The following TRIM71 variants were observed in gnomAD, a reference collection of about 807,000 sequenced individuals.
TRIM71 encodes E3 ubiquitin-protein ligase TRIM71.
Under a neutral mutation model 61.2 loss-of-function variants are expected in TRIM71, and 9 were observed. That is an observed-to-expected ratio of 0.15 (90% CI 0.09 to 0.26). TRIM71 has a LOEUF of 0.26. Ranked by LOEUF, TRIM71 falls within the 10% of genes least tolerant of loss-of-function variation. TRIM71 has a pLI of 1.00. For synonymous variants in TRIM71, 645 were observed against 553.2 expected, an observed-to-expected ratio of 1.17 and a Z score of -2.33; for missense variants, 998 against 1,238.7, an observed-to-expected ratio of 0.81 and a Z score of 2.92.
At chr3:32,821,789 A>T (rs6803218) in intron 1 of TRIM71, among the ~76,000 whole-genome samples, 56,861 of 150,528 alleles carry the variant, frequency 0.38, 13,041 homozygotes, top group East Asian at 0.59. Flanking sequence ...GTCCCGGGAG[A>T]GGCGGGCGCA....
At chr3:32,826,353 A>G (rs1696201217) in intron 1 of TRIM71, among the ~76,000 whole-genome samples, 2 of 152,084 alleles carry the variant, frequency 1.3e-5, no homozygotes. Context: ...CAGGAGAATC[A>G]CTTGAGCGTG....
At chr3:32,829,956 T>G (rs567117295) in intron 1 of TRIM71, among the ~76,000 whole-genome samples, 1 of 141,044 alleles carries the variant, frequency 7.1e-6, no homozygotes, top group Non-Finnish European at 1.5e-5. Context: ...CGAGATGGAG[T>G]CTTGCTCTGT....
At position 32,877,110 on chromosome 3, in the gene TRIM71, T is replaced by C. The variant is rs576821738; in HGVS notation, c.1020+3125T>C. Among the ~76,000 whole-genome samples the C allele has an allele frequency of 2.2e-3, 342 of 152,234 alleles. 1 individual carries two copies. The highest frequency in any genetic ancestry group is 4.0e-3 in the Non-Finnish European group (270 of 68,004). ...AAAGTTTTTGTTTAACCATAACTTG[T>C]GTGTGTTTAGCATCCTTAAGTCTTG... On this transcript the variant is annotated intron_variant, in intron 2 of 3. Transcript: ENST00000383763.
intron 1 of TRIM71, among the ~76,000 whole-genome samples, chr3:32,851,654 T>C (rs1408653188): frequency 6.6e-6 from 1 of 152,038 alleles, no homozygotes; most frequent in Non-Finnish European, 1.5e-5. Context: ...AATTGTTGTA[T>C]TTTTAGTAGA....
intron 2 of TRIM71, among the ~76,000 whole-genome samples, chr3:32,882,252 A>G (rs1375353436): frequency 1.3e-5 from 2 of 151,728 alleles, no homozygotes; most frequent in Non-Finnish European, 2.9e-5. Flanking sequence ...TGACATTAAT[A>G]TTAATAGAAA....
chr3:32,861,517 C>CAGGTG (rs1559545071), intron 1 of TRIM71, among the ~76,000 whole-genome samples: 2 of 146,790 alleles, frequency 1.4e-5, no homozygotes, highest in East Asian at 5.3e-4. Context: ...AGGAACACTC[C>CAGGTG]GGAGTTCAAG....
intron 2 of TRIM71, among the ~76,000 whole-genome samples, chr3:32,878,596 C>T (rs372617457): frequency 6.6e-6 from 1 of 151,998 alleles, no homozygotes; most frequent in Non-Finnish European, 1.5e-5. Flanking sequence ...GCCTGGGCAA[C>T]AAGAGCGAAA....
Position 32,896,420 on chromosome 3 carries a change from A to T in TRIM71, c.*4609A>T, listed in dbSNP as rs144302293. On this transcript the variant is annotated 3_prime_UTR_variant, in exon 4 of 4. Coordinates refer to ENST00000383763, the MANE Select transcript of TRIM71 (RefSeq NM_001039111.3). ...TTTTGTTTTGTTTTTATTTTTTTCT[A>T]CCAAAGGTAACATGTTGACGGGTTT... The T allele has an allele frequency of 1.3e-5, 2 of 151,456 alleles. No homozygotes were observed. The highest frequency in any genetic ancestry group is 2.4e-5 in the African/African-American group (1 of 41,348). 9.4% of individuals were successfully genotyped at this position (151,456 alleles called of 1,614,324 possible). A position where few individuals can be genotyped will look rare whatever the true frequency, so the allele number is the denominator to read the frequency against.
chr3:32,838,293 C>T (rs898432525), intron 1 of TRIM71, among the ~76,000 whole-genome samples: 3 of 151,926 alleles, frequency 2.0e-5, no homozygotes, highest in Non-Finnish European at 4.4e-5. Context: ...GTGTGAGCTC[C>T]GGTTCACCGC....
chr3:32,866,965 G>A (rs1446129933), intron 1 of TRIM71, among the ~76,000 whole-genome samples: 1 of 152,192 alleles, frequency 6.6e-6, no homozygotes, highest in African/African-American at 2.4e-5. Context: ...AGTGCTAACA[G>A]ATGACATTTT....
intron 1 of TRIM71, among the ~76,000 whole-genome samples, chr3:32,859,584 G>A (rs1325956975): frequency 6.6e-6 from 1 of 152,162 alleles, no homozygotes; most frequent in African/African-American, 2.4e-5. Flanking sequence ...AGAGGGGTTT[G>A]ATTCCAGTGG....
intron 2 of TRIM71, among the ~76,000 whole-genome samples, chr3:32,878,423 AAC>A (rs1270233861): frequency 1.3e-5 from 2 of 152,146 alleles, no homozygotes; most frequent in African/African-American, 4.8e-5. Flanking sequence ...CAGCCTGACT[AAC>A]ACAGAGAAAC....
chr3:32,832,919 A>C (rs1371635572), intron 1 of TRIM71, among the ~76,000 whole-genome samples: 2 of 152,046 alleles, frequency 1.3e-5, no homozygotes, highest in East Asian at 3.9e-4. Context: ...TCACGCCTTA[A>C]TCCCAGCACT....
chr3:32,853,042 A>T (rs530343786), intron 1 of TRIM71, among the ~76,000 whole-genome samples: 8 of 152,072 alleles, frequency 5.3e-5, no homozygotes, highest in Non-Finnish European at 1.2e-4. Flanking sequence ...CACAAATAGT[A>T]AATATATGTA....
chr3:32,823,292 G>A (rs565405953), intron 1 of TRIM71, among the ~76,000 whole-genome samples: 2 of 152,214 alleles, frequency 1.3e-5, no homozygotes, highest in Non-Finnish European at 2.9e-5. Flanking sequence ...TTTTCAACAT[G>A]GACCCTCAGG....
chr3:32,838,154 G>A (rs184196805), intron 1 of TRIM71, among the ~76,000 whole-genome samples: 31 of 152,240 alleles, frequency 2.0e-4, no homozygotes, highest in South Asian at 4.2e-4. Flanking sequence ...GGGGATTTGC[G>A]GTTCCATGGA....
rs1234210998 is a variant in TRIM71 at position 32,897,782 on chromosome 3, T to A, written c.*5971T>A. The A allele has an allele frequency of 1.3e-5, 2 of 152,214 alleles. No individual in the cohort carries two copies. Among genetic ancestry groups the A allele is most frequent in the Non-Finnish European group, 2.9e-5 (2 of 68,044 alleles). The allele number at this position is 152,214 out of a possible 1,614,324, so 9.4% of individuals were successfully genotyped here. A position where few individuals can be genotyped will look rare whatever the true frequency, so the allele number is the denominator to read the frequency against. On this transcript the variant is annotated 3_prime_UTR_variant, in exon 4 of 4. Coordinates refer to ENST00000383763, the MANE Select transcript of TRIM71 (RefSeq NM_001039111.3). ...TTTAAAATTGTTCCTATGCAGCTTA[T>A]TTTATTTTTGTTTAATCAAATAAAC...
chr3:32,871,690 A>G (rs1003435784), intron 1 of TRIM71, among the ~76,000 whole-genome samples: 1 of 152,238 alleles, frequency 6.6e-6, no homozygotes. Flanking sequence ...GATTATTAGG[A>G]TTAGATAATC....
chr3:32,891,924 ATTTCT>A lies in TRIM71; in HGVS notation c.*117_*121del, dbSNP rs1697031131. On this transcript the variant is annotated 3_prime_UTR_variant, in exon 4 of 4. Coordinates refer to ENST00000383763, the MANE Select transcript of TRIM71 (RefSeq NM_001039111.3). This position sits in a 1 kb window ranked among gnomAD's most constrained non-coding sequence, Gnocchi z 8.2. ...TCAAAGAAGAAACAGTCTCAGGGAAATTTCTTTTTTCTTTTTTTTTTTTAAAGAGA... is the reference window on the plus strand; with the variant it reads ...TCAAAGAAGAAACAGTCTCAGGGAAATTTTTCTTTTTTTTTTTTAAAGAGA... 1.4e-6 allele frequency: 2 copies of A among 1,430,240 alleles called. No individual in the cohort carries two copies. Among genetic ancestry groups the A allele is most frequent in the Non-Finnish European group, 1.8e-6 (2 of 1,091,054 alleles). The allele number at this position is 1,430,240 out of a possible 1,614,324, so 88.6% of individuals were successfully genotyped here. A position where few individuals can be genotyped will look rare whatever the true frequency, so the allele number is the denominator to read the frequency against.
Sources: gnomAD v4.1 joint callset for allele counts (sites outside exome capture counted in the v4.1 genomes callset) on GRCh38, gnomAD v4.1.1 for gene constraint, Gnocchi (gnomAD v3.1) non-coding constraint, MANE v1.5 for transcripts, NCBI Gene and HGNC (gene_info 2026-07-23, HGNC 2026-07-21) for gene names.